Variants in REEP2 observed in about 807,000 individuals in gnomAD.
REEP2 encodes the protein receptor expression-enhancing protein 2.
In REEP2, 9 loss-of-function variants were observed where a neutral mutation model predicts 32.1. The observed-to-expected ratio is 0.28, with a 90% CI of 0.17 to 0.49. The LOEUF is 0.49. Among genes scored for constraint, REEP2 ranks in the 20% least tolerant of loss-of-function variants. The pLI is 0.99. For synonymous variants in REEP2, 128 were observed against 139.1 expected, an observed-to-expected ratio of 0.92 and a Z score of 0.56; for missense variants, 236 against 338.0, an observed-to-expected ratio of 0.70 and a Z score of 2.37.
chr5:138,439,200 G>GGCCCC lies in REEP2; in HGVS notation c.-5_-1dup, dbSNP rs1763774995. The GGCCCC allele has an allele frequency of 2.9e-6, 4 of 1,364,148 alleles. No homozygotes were observed. The highest frequency in any genetic ancestry group is 2.8e-6 in the Non-Finnish European group (3 of 1,060,218). 84.5% of individuals were successfully genotyped at this position (1,364,148 alleles called of 1,614,324 possible). ...CGGGTCCCCGCCCCGCGCCGCGCCC[G>GGCCCC]GCCCCGCCATGGTGTCCTGGATCAT... On this transcript the variant is annotated 5_prime_UTR_variant, in exon 1 of 8. Coordinates refer to ENST00000378339, the MANE Select transcript of REEP2 (RefSeq NM_001271803.2).
At chr5:138,442,789 A>AG (rs1763849027) in intron 3 of REEP2, among the ~76,000 whole-genome samples, 1 of 150,600 alleles carries the variant, frequency 6.6e-6, no homozygotes, top group African/African-American at 2.5e-5. Context: ...TGAACCCAGG[A>AG]GGCGGAGCTT....
intron 1 of REEP2, chr5:138,439,790 C>T (rs1261734356): frequency 4.4e-6 from 2 of 455,692 alleles, no homozygotes; most frequent in African/African-American, 4.0e-5. Context: ...GTCTGGGTAT[C>T]GGGAAGCAGA....
intron 1 of REEP2, 24 bp from the exon 2 acceptor site, chr5:138,440,984 GAGAGGCCC>G (rs758556772): frequency 6.2e-7 from 1 of 1,609,898 alleles, no homozygotes; most frequent in Non-Finnish European, 8.5e-7. Flanking sequence ...GCCCTTGGCT[GAGAGGCCC>G]AGTAACCATG....
intron 1 of REEP2, chr5:138,439,875 G>A (rs1362255692): frequency 2.5e-6 from 1 of 406,218 alleles, no homozygotes; most frequent in East Asian, 7.1e-5. Flanking sequence ...TGTGGACCCC[G>A]CTGGGGGAGG....
intron 3 of REEP2, among the ~76,000 whole-genome samples, chr5:138,442,619 G>T (rs531158036): frequency 4.2e-4 from 64 of 152,176 alleles, no homozygotes; most frequent in Non-Finnish European, 8.8e-4. Flanking sequence ...ACTTTGGGAG[G>T]CCGAGGTGGG....
chr5:138,439,739 T>C (rs1481663522), intron 1 of REEP2: 1 of 456,622 alleles, frequency 2.2e-6, no homozygotes, highest in Non-Finnish European at 4.4e-6. Flanking sequence ...GTCAGGAGAC[T>C]GGGGACGAGG....
rs992628617 is a variant in REEP2, at chr5:138,445,369, G to A, written c.559G>A (p.Asp187Asn). The change falls in exon 6 of 8, where the codon GAC becomes AAC. Residue 187 changes from aspartate (D) to asparagine (N), a missense_variant. Physicochemically the swap from Asp to Asn is conservative, Grantham distance 23 (BLOSUM62 1). Coordinates refer to ENST00000378339, the MANE Select transcript of REEP2 (RefSeq NM_001271803.2). ...SPGSLLDTIE[D>N]LGDDPALSLR... ...TGGCAGCCTCCTGGACACCATCGAGGACTTAGGTACAGGCAGGGCCCGGGG... is the reference window on the plus strand; with the variant it reads ...TGGCAGCCTCCTGGACACCATCGAGAACTTAGGTACAGGCAGGGCCCGGGG... The A allele has an allele frequency of 5.0e-6, 8 of 1,612,574 alleles. No individual in the cohort carries two copies. The East Asian group carries it at 1.8e-4, about 36-fold the overall frequency.
chr5:138,440,872 AC>A, intron 1 of REEP2, 143 bp from the exon 2 acceptor site: 1 of 1,474,440 alleles, frequency 6.8e-7, no homozygotes, highest in South Asian at 1.3e-5. Context: ...TGCTGCTTTG[AC>A]CTTAACCCCT....
In REEP2 at chr5:138,441,104, T is replaced by C. The variant is rs1444789620; in HGVS notation, c.105+16T>C. On this transcript the variant is annotated intron_variant, in intron 2 of 7. Transcript: ENST00000378339. The surrounding 1 kb of genome is among the most constrained non-coding windows in gnomAD (Gnocchi z 4.4). ...GAAGGAATATGTGAGTGGATGACCC[T>C]TCACCCCCTACCCAACCCACATGGC... is the stretch of plus-strand genomic sequence containing the variant. 1.9e-6 allele frequency: 3 copies of C among 1,613,584 alleles called. No individual in the cohort carries two copies. Among genetic ancestry groups the C allele is most frequent in the Non-Finnish European group, 2.5e-6 (3 of 1,179,944 alleles).
rs1388693579 is a variant in REEP2, at chr5:138,445,730, T to C, written c.744T>C (p.Ser248=). 5 of 1,613,796 alleles carry C rather than the reference T, an allele frequency of 3.1e-6. No individual in the cohort carries two copies. In the Admixed American group the frequency reaches 5.0e-5, roughly 16 times the overall value. ...TLKTRPKKKT[S]GGGDSA is the part of the protein sequence containing the mutation. ...AGACCCGGCCCAAGAAGAAGACCTC[T>C]GGCGGGGGCGACTCAGCTTGAGCCC... Residue 248 remains serine (S), a synonymous_variant, in exon 8 of 8, where the codon TCT becomes TCC. Transcript: ENST00000378339.
chr5:138,443,196 A>T (rs888801900), intron 3 of REEP2, among the ~76,000 whole-genome samples: 2 of 152,096 alleles, frequency 1.3e-5, no homozygotes, highest in Admixed American at 1.3e-4. Flanking sequence ...GCGGTGGCTC[A>T]TGCCCATAAT....
chr5:138,439,249 G>T lies in REEP2; in HGVS notation c.32+9G>T. The T allele has an allele frequency of 7.2e-7, 1 of 1,394,158 alleles. No homozygotes were observed. The allele number at this position is 1,394,158 out of a possible 1,614,324, so 86.4% of individuals were successfully genotyped here. A position where few individuals can be genotyped will look rare whatever the true frequency, so the allele number is the denominator to read the frequency against. On this transcript the variant is annotated intron_variant, in intron 1 of 7. Coordinates refer to ENST00000378339, the MANE Select transcript of REEP2 (RefSeq NM_001271803.2). ...ATCTCTCGCCTGGTGGTGTGAGTGC[G>T]GCGGCGGCGGGGGGTGATGCGGGCT...
chr5:138,445,092 GCT>G, intron 5 of REEP2, 134 bp from the exon 6 acceptor site: 1 of 1,049,344 alleles, frequency 9.5e-7, no homozygotes, highest in Non-Finnish European at 1.4e-6. Flanking sequence ...CCAGCCCTCA[GCT>G]CTGTCTGTGT....
At position 138,441,563 on chromosome 5, in the gene REEP2, C is replaced by A; in HGVS notation, c.182+102C>A. ...ACTGGGCCTGGGGGTGAAGCTCCTC[C>A]CATTCCTGACAATTTCATGGGGTCC... is the stretch of plus-strand genomic sequence containing the variant. On this transcript the variant is annotated intron_variant, in intron 3 of 7. Transcript: ENST00000378339. This position sits in a 1 kb window ranked among gnomAD's most constrained non-coding sequence, Gnocchi z 4.4. 1 of 974,248 alleles carries A rather than the reference C, an allele frequency of 1.0e-6. No homozygotes were observed. Among genetic ancestry groups the A allele is most frequent in the Non-Finnish European group, 1.6e-6 (1 of 615,490 alleles). The allele number at this position is 974,248 out of a possible 1,614,324, so 60.4% of individuals were successfully genotyped here.
rs991006674 is a variant in REEP2, at chr5:138,446,207, C to G, written c.*456C>G. 2 of 158,378 alleles carry G rather than the reference C, an allele frequency of 1.3e-5. No homozygotes were observed. Among genetic ancestry groups the G allele is most frequent in the Non-Finnish European group, 2.8e-5 (2 of 71,968 alleles). 9.8% of individuals were successfully genotyped at this position (158,378 alleles called of 1,614,324 possible). ...AGGCACATGGGGGAAAGGGAGCACA[C>G]GGGGAGGACGTTGGGGACCCTGGGT... On this transcript the variant is annotated 3_prime_UTR_variant, in exon 8 of 8. Transcript: ENST00000378339.
chr5:138,439,808 G>A (rs1015925649), intron 1 of REEP2: 3 of 454,966 alleles, frequency 6.6e-6, no homozygotes, highest in African/African-American at 2.0e-5. Flanking sequence ...AGAAATGCTC[G>A]GAGGACAAAG....
Position 138,445,920 on chromosome 5 carries a change from G to A in REEP2, c.*169G>A, listed in dbSNP as rs112831790. 240 of 676,522 alleles carry A rather than the reference G, an allele frequency of 3.5e-4. 2 individuals carry two copies. In the African/African-American group the frequency reaches 3.8e-3, roughly 11 times the overall value. The allele number at this position is 676,522 out of a possible 1,614,324, so 41.9% of individuals were successfully genotyped here. ...TGGCCACTCTTCTGGAAGGGGCTTG[G>A]AAAAGAGGAAGGAGGCCCAGCTGTG... On this transcript the variant is annotated 3_prime_UTR_variant, in exon 8 of 8. Coordinates refer to ENST00000378339, the MANE Select transcript of REEP2 (RefSeq NM_001271803.2).
At position 138,445,869 on chromosome 5, in the gene REEP2, G is replaced by C; in HGVS notation, c.*118G>C. On this transcript the variant is annotated 3_prime_UTR_variant, in exon 8 of 8. Transcript: ENST00000378339. ...GTGTCTCAGGCCCCTGGGCCCCGCAGATGGCCATTTCCGGTGCCTGCCCAG... is the reference window on the plus strand; with the variant it reads ...GTGTCTCAGGCCCCTGGGCCCCGCACATGGCCATTTCCGGTGCCTGCCCAG... 1 of 1,000,098 alleles carries C rather than the reference G, an allele frequency of 1.0e-6. No individual in the cohort carries two copies. The highest frequency in any genetic ancestry group is 1.5e-6 in the Non-Finnish European group (1 of 683,470). The allele number at this position is 1,000,098 out of a possible 1,614,324, so 62.0% of individuals were successfully genotyped here.
chr5:138,442,981 G>A (rs1022143570), intron 3 of REEP2, among the ~76,000 whole-genome samples: 6 of 151,286 alleles, frequency 4.0e-5, no homozygotes, highest in African/African-American at 1.2e-4. Context: ...AGCCGAGATC[G>A]TGCCACTGCA....
Sources: gnomAD v4.1 joint callset for allele counts (sites outside exome capture counted in the v4.1 genomes callset) on GRCh38, gnomAD v4.1.1 for gene constraint, Gnocchi (gnomAD v3.1) non-coding constraint, MANE v1.5 for transcripts, NCBI Gene and HGNC (gene_info 2026-07-23, HGNC 2026-07-21) for gene names.